RPTOR: variants seen among roughly 807,000 people sequenced by gnomAD.
RPTOR encodes the protein regulatory associated protein of MTOR complex 1.
Under a neutral mutation model 169.9 loss-of-function variants are expected in RPTOR, and 21 were observed. The ratio of observed to expected loss-of-function variants is 0.12; its 90% CI spans 0.09 to 0.18. The LOEUF is 0.18. Ranked by LOEUF, RPTOR falls within the 10% of genes least tolerant of loss-of-function variation. The pLI, the probability that RPTOR is intolerant of heterozygous loss-of-function variation, is 1.00. For missense variants in RPTOR, 1,133 were observed against 1,855.9 expected (o/e 0.61, Z 7.16); for synonymous variants, 732 against 753.2 (o/e 0.97, Z 0.46).
chr17:80,922,946 C>T (rs2068763971), intron 22 of RPTOR, 119 bp downstream of exon 22: 2 of 802,492 alleles, frequency 2.5e-6, no homozygotes, highest in South Asian at 3.4e-5. Context: ...GGCTTCGTCT[C>T]CTCCCCCCTC....
At chr17:80,729,679 T>C (rs1303539669) in intron 4 of RPTOR, among the ~76,000 whole-genome samples, 1 of 152,204 alleles carries the variant, frequency 6.6e-6, no homozygotes, top group African/African-American at 2.4e-5. Flanking sequence ...CTCTCTGAAA[T>C]TAAAGGGACA....
chr17:80,641,007 G>A (rs570304702), intron 2 of RPTOR, among the ~76,000 whole-genome samples: 174 of 152,330 alleles, frequency 1.1e-3, no homozygotes, highest in African/African-American at 4.1e-3. Flanking sequence ...CATGCATGCG[G>A]CAAGGTCGCT....
At chr17:80,868,546 A>G (rs1160654936) in intron 13 of RPTOR, among the ~76,000 whole-genome samples, 1 of 152,210 alleles carries the variant, frequency 6.6e-6, no homozygotes, top group Non-Finnish European at 1.5e-5. Flanking sequence ...AGTGTGCACT[A>G]CCACTTTGCA....
intron 24 of RPTOR, among the ~76,000 whole-genome samples, chr17:80,930,238 T>C (rs1567993415): frequency 7.3e-5 from 9 of 123,876 alleles, no homozygotes; most frequent in Non-Finnish European, 1.0e-4. Flanking sequence ...CCCCAGCTCA[T>C]CCTCAGCTCA....
At position 80,545,062 on chromosome 17, in the gene RPTOR, G is replaced by T. The variant is rs2084256852; in HGVS notation, c.-568G>T. Reference sequence around the variant, plus strand: ...CGGACCTGAGGTTGAGGAACCGGGTGCAGGCGAGCACGATGGGCCGGTCGT... The same window carrying T: ...CGGACCTGAGGTTGAGGAACCGGGTTCAGGCGAGCACGATGGGCCGGTCGT... On this transcript the variant is annotated 5_prime_UTR_variant, in exon 1 of 34. Transcript: ENST00000306801. 2 of 233,538 alleles carry T rather than the reference G, an allele frequency of 8.6e-6. No homozygotes were observed. Among genetic ancestry groups the T allele is most frequent in the Non-Finnish European group, 1.7e-5 (2 of 118,022 alleles). 14.5% of individuals were successfully genotyped at this position (233,538 alleles called of 1,614,324 possible).
At chr17:80,893,932 C>T in intron 20 of RPTOR, 67 bp downstream of exon 20, 1 of 1,442,994 alleles carries the variant, frequency 6.9e-7, no homozygotes, top group South Asian at 1.4e-5. Flanking sequence ...CAGAGCAGCA[C>T]AGACCTGTGT....
chr17:80,546,681 T>C (rs2084278954), intron 1 of RPTOR, among the ~76,000 whole-genome samples: 1 of 152,232 alleles, frequency 6.6e-6, no homozygotes, highest in South Asian at 2.1e-4. Flanking sequence ...GGTGTTACAA[T>C]GTTTGATTTT....
intron 7 of RPTOR, among the ~76,000 whole-genome samples, chr17:80,801,132 T>A (rs574773263): frequency 6.6e-6 from 1 of 152,312 alleles, no homozygotes; most frequent in South Asian, 2.1e-4. Flanking sequence ...GGGGATGCAG[T>A]GCAGAAAATG....
At chr17:80,617,531 G>A (rs536170412) in intron 1 of RPTOR, among the ~76,000 whole-genome samples, 2 of 152,252 alleles carry the variant, frequency 1.3e-5, no homozygotes, top group African/African-American at 4.8e-5. Context: ...ACAGTTTATC[G>A]TATTTAGATT....
chr17:80,666,181 A>G (rs980002322), intron 3 of RPTOR, among the ~76,000 whole-genome samples: 8 of 150,276 alleles, frequency 5.3e-5, no homozygotes, highest in Admixed American at 3.3e-4. Flanking sequence ...GTTTGCCAAA[A>G]TAAATTATGT....
intron 11 of RPTOR, among the ~76,000 whole-genome samples, chr17:80,854,553 A>G (rs4969220): frequency 0.94 from 142,851 of 152,350 alleles, 67,090 homozygotes; most frequent in African/African-American, 0.99. Flanking sequence ...AATCATGTAC[A>G]TGTGCCGATG....
At chr17:80,741,640 T>C (rs1467273367) in intron 5 of RPTOR, among the ~76,000 whole-genome samples, 1 of 152,168 alleles carries the variant, frequency 6.6e-6, no homozygotes, top group Non-Finnish European at 1.5e-5. Flanking sequence ...GTTCAGCATC[T>C]CCTGTAAATT....
chr17:80,586,719 G>A (rs1474510845), intron 1 of RPTOR, among the ~76,000 whole-genome samples: 1 of 152,186 alleles, frequency 6.6e-6, no homozygotes, highest in African/African-American at 2.4e-5. Flanking sequence ...CAGGGACGCC[G>A]GTGTCCGTTC....
intron 28 of RPTOR, among the ~76,000 whole-genome samples, chr17:80,951,537 C>G (rs548443662): frequency 6.6e-6 from 1 of 152,336 alleles, no homozygotes; most frequent in South Asian, 2.1e-4. Context: ...CAGCTGTGGG[C>G]TGGGGCACCA....
In RPTOR at chr17:80,761,497, T is replaced by C. The variant is rs563686346; in HGVS notation, c.830+7312T>C. Among the ~76,000 whole-genome samples, 28 of 152,302 alleles carry C rather than the reference T, an allele frequency of 1.8e-4. 1 individual carries two copies. The highest frequency in any genetic ancestry group is 6.3e-4 in the African/African-American group (26 of 41,576). ...GGAGACGGAAGATGCATGGGTTTCC[T>C]GGCGCGCAGGTTGGGTGGAGGCTCA... On this transcript the variant is annotated intron_variant, in intron 6 of 33. Transcript: ENST00000306801.
At chr17:80,806,532 C>T (rs2067220399) in intron 7 of RPTOR, among the ~76,000 whole-genome samples, 2 of 152,146 alleles carry the variant, frequency 1.3e-5, no homozygotes, top group Admixed American at 1.3e-4. Context: ...CAAAAATATT[C>T]CTAGGGCTCA....
At chr17:80,699,411 G>T (rs983356847) in intron 3 of RPTOR, among the ~76,000 whole-genome samples, 2 of 147,602 alleles carry the variant, frequency 1.4e-5, no homozygotes, top group Non-Finnish European at 3.0e-5. Flanking sequence ...GGAGCTAGAG[G>T]TGCTATGCAC....
rs183775773 is a variant in RPTOR, at chr17:80,929,247, G to A, written c.2919+3767G>A. On this transcript the variant is annotated intron_variant, in intron 24 of 33. Coordinates refer to ENST00000306801, the MANE Select transcript of RPTOR (RefSeq NM_020761.3). ...ATCCAAAAGGTAAAATAATCAAATT[G>A]TACAAAATGCTTGCACGAGCTCTGT... Among the ~76,000 whole-genome samples, 317 of 152,298 alleles carry A rather than the reference G, an allele frequency of 2.1e-3. 1 individual carries two copies. The highest frequency in any genetic ancestry group is 7.1e-3 in the African/African-American group (296 of 41,560).
chr17:80,926,720 A>T (rs1231418653), intron 24 of RPTOR, among the ~76,000 whole-genome samples: 1 of 152,252 alleles, frequency 6.6e-6, no homozygotes, highest in Non-Finnish European at 1.5e-5. Flanking sequence ...TTTACAGAAC[A>T]ATCACAGCCG....
Sources: allele counts gnomAD v4.1 joint callset (sites outside exome capture counted in the v4.1 genomes callset), GRCh38; gene constraint gnomAD v4.1.1; transcripts MANE v1.5; gene names NCBI Gene and HGNC (gene_info 2026-07-23, HGNC 2026-07-21).